The following CBFA2T2 variants were observed in gnomAD, a reference collection of about 807,000 sequenced individuals.
CBFA2T2 encodes protein CBFA2T2.
Under a neutral mutation model 62.2 loss-of-function variants are expected in CBFA2T2, and 11 were observed. That is an observed-to-expected ratio of 0.18 (90% CI 0.11 to 0.29). The LOEUF is 0.29. Among genes scored for constraint, CBFA2T2 ranks in the 10% least tolerant of loss-of-function variants. The probability of loss-of-function intolerance (pLI) is 1.00; values close to 1 mark genes in which losing one functional copy is unlikely to be tolerated. For synonymous variants in CBFA2T2, 295 were observed against 287.5 expected (o/e 1.03, Z -0.27); for missense variants, 592 against 774.1 (o/e 0.76, Z 2.79).
At chr20:33,612,201 C>A (rs1568852132) in intron 3 of CBFA2T2, among the ~76,000 whole-genome samples, 1 of 152,098 alleles carries the variant, frequency 6.6e-6, no homozygotes, top group African/African-American at 2.4e-5. Context: ...ACGTGGTGAA[C>A]CTGTGGCATA....
chr20:33,582,473 A>G (rs1006014813), intron 1 of CBFA2T2, among the ~76,000 whole-genome samples: 5 of 149,986 alleles, frequency 3.3e-5, no homozygotes, highest in Non-Finnish European at 7.4e-5. Context: ...GGGCAACAAG[A>G]GCGAAACTCT....
chr20:33,539,448 A>G (rs1366999841), intron 1 of CBFA2T2, among the ~76,000 whole-genome samples: 1 of 152,202 alleles, frequency 6.6e-6, no homozygotes, highest in Non-Finnish European at 1.5e-5. Context: ...TTCGAGGTCA[A>G]TGAAGCCCAT....
At chr20:33,567,042 A>G (rs2013348396) in intron 1 of CBFA2T2, among the ~76,000 whole-genome samples, 3 of 152,218 alleles carry the variant, frequency 2.0e-5, no homozygotes, top group Admixed American at 6.5e-5. Flanking sequence ...AAATAAAGGA[A>G]TTAGTGGTGG....
intron 1 of CBFA2T2, among the ~76,000 whole-genome samples, chr20:33,510,810 C>T (rs531054722): frequency 3.3e-5 from 5 of 152,202 alleles, no homozygotes; most frequent in Admixed American, 1.3e-4. Flanking sequence ...GTTTACTGAC[C>T]TTTTAATGAT....
intron 1 of CBFA2T2, among the ~76,000 whole-genome samples, chr20:33,604,204 C>T (rs1446376101): frequency 6.6e-6 from 1 of 152,138 alleles, no homozygotes; most frequent in Admixed American, 6.5e-5. Context: ...AGGTCACATA[C>T]CTAGTTAATA....
intron 1 of CBFA2T2, among the ~76,000 whole-genome samples, chr20:33,514,525 C>A (rs1424487850): frequency 6.6e-6 from 1 of 151,780 alleles, no homozygotes; most frequent in Non-Finnish European, 1.5e-5. Flanking sequence ...ATGGCTGGAG[C>A]AGGGGATGGA....
intron 1 of CBFA2T2, among the ~76,000 whole-genome samples, chr20:33,583,187 T>C (rs2014198028): frequency 6.6e-6 from 1 of 152,252 alleles, no homozygotes; most frequent in Non-Finnish European, 1.5e-5. Context: ...TAATATCACA[T>C]GCCATTGTTT....
At chr20:33,502,686 A>T (rs541836171) in intron 1 of CBFA2T2, among the ~76,000 whole-genome samples, 4 of 147,710 alleles carry the variant, frequency 2.7e-5, no homozygotes, top group Admixed American at 2.7e-4. Context: ...TACAGGCGTG[A>T]GCCACCGTGC....
chr20:33,502,880 G>A (rs1467892263), intron 1 of CBFA2T2, among the ~76,000 whole-genome samples: 1 of 150,340 alleles, frequency 6.7e-6, no homozygotes, highest in Non-Finnish European at 1.5e-5. Context: ...CACGAGGTCA[G>A]GAGATCGAGA....
At chr20:33,544,513 A>G (rs1467508770) in intron 1 of CBFA2T2, among the ~76,000 whole-genome samples, 1 of 152,092 alleles carries the variant, frequency 6.6e-6, no homozygotes, top group Non-Finnish European at 1.5e-5. Flanking sequence ...AAGACAGGGA[A>G]TCTTGTCTAT....
At chr20:33,581,457 CAAG>C (rs1297858897) in intron 1 of CBFA2T2, among the ~76,000 whole-genome samples, 1 of 151,884 alleles carries the variant, frequency 6.6e-6, no homozygotes, top group African/African-American at 2.4e-5. Flanking sequence ...TACTGTAACT[CAAG>C]GTTTTTTGTT....
At chr20:33,581,996 A>G (rs185651385) in intron 1 of CBFA2T2, among the ~76,000 whole-genome samples, 1 of 152,256 alleles carries the variant, frequency 6.6e-6, no homozygotes, top group East Asian at 1.9e-4. Flanking sequence ...TGATGTAATA[A>G]TCATCTGTGA....
intron 8 of CBFA2T2, among the ~76,000 whole-genome samples, chr20:33,632,465 C>T (rs1423986890): frequency 6.7e-6 from 1 of 148,166 alleles, no homozygotes; most frequent in Non-Finnish European, 1.5e-5. Flanking sequence ...AGAATTTCAC[C>T]AATGACTTTT....
chr20:33,604,237 G>A (rs1209945220), intron 1 of CBFA2T2, among the ~76,000 whole-genome samples: 1 of 152,082 alleles, frequency 6.6e-6, no homozygotes, highest in African/African-American at 2.4e-5. Context: ...TTTGACACCA[G>A]GATTTCTATC....
intron 1 of CBFA2T2, among the ~76,000 whole-genome samples, chr20:33,491,903 G>A (rs935362269): frequency 1.3e-5 from 2 of 151,234 alleles, no homozygotes; most frequent in South Asian, 2.1e-4. Flanking sequence ...TTTTTGAGAC[G>A]GAGTTTTGTT....
chr20:33,588,216 A>G (rs1356406411), intron 1 of CBFA2T2, among the ~76,000 whole-genome samples: 2 of 152,094 alleles, frequency 1.3e-5, no homozygotes, highest in East Asian at 1.9e-4. Context: ...TTTTTTGTGT[A>G]TGGTATGTAG....
chr20:33,512,634 A>G lies in CBFA2T2; in HGVS notation c.34+22333A>G, dbSNP rs185641846. On this transcript the variant is annotated intron_variant, in intron 1 of 10. Coordinates refer to ENST00000342704, the MANE Select transcript of CBFA2T2 (RefSeq NM_001032999.3). ...GTCTAGGGTTTTGCCACAGTAATAT[A>G]CCACAGTCGGTCCATTCTGCTGTTG... Among the ~76,000 whole-genome samples the G allele has an allele frequency of 5.1e-3, 776 of 152,306 alleles. 6 individuals are homozygous for G. The highest frequency in any genetic ancestry group is 7.3e-3 in the Non-Finnish European group (496 of 68,032).
chr20:33,626,907 G>T (rs1272698055), intron 6 of CBFA2T2, among the ~76,000 whole-genome samples: 4 of 152,184 alleles, frequency 2.6e-5, no homozygotes, highest in Non-Finnish European at 4.4e-5. Context: ...CCTCACAGGA[G>T]TCCCAGACAA....
intron 1 of CBFA2T2, among the ~76,000 whole-genome samples, chr20:33,501,602 A>C (rs1436280332): frequency 7.2e-6 from 1 of 139,792 alleles, no homozygotes; most frequent in Non-Finnish European, 1.5e-5. Flanking sequence ...GGTCTGGCTA[A>C]GTAGTTGAAA....
Sources: allele counts gnomAD v4.1 joint callset (sites outside exome capture counted in the v4.1 genomes callset), GRCh38; gene constraint gnomAD v4.1.1; transcripts MANE v1.5; gene names NCBI Gene and HGNC (gene_info 2026-07-23, HGNC 2026-07-21).